CTNND2: variants seen among roughly 807,000 people sequenced by gnomAD.
CTNND2 encodes catenin delta-2.
Under a neutral mutation model 144.4 loss-of-function variants are expected in CTNND2, and 22 were observed. That is an observed-to-expected ratio of 0.15 (90% CI 0.11 to 0.22). The LOEUF is 0.22. CTNND2 is among the 10% of genes least tolerant of loss of function. CTNND2 has a pLI of 1.00. For missense variants in CTNND2, 1,353 were observed against 1,618.8 expected (o/e 0.84, Z 2.82); for synonymous variants, 751 against 695.6 (o/e 1.08, Z -1.25).
intron 1 of CTNND2, among the ~76,000 whole-genome samples, chr5:11,834,938 T>C (rs1245870451): frequency 6.6e-6 from 1 of 152,164 alleles, no homozygotes; most frequent in Non-Finnish European, 1.5e-5. Context: ...TCTGGGAGTT[T>C]GAGCAGCCTG....
chr5:11,791,139 A>C (rs189545723), intron 1 of CTNND2, among the ~76,000 whole-genome samples: 275 of 152,300 alleles, frequency 1.8e-3, no homozygotes, highest in Non-Finnish European at 3.1e-3. Context: ...AGAGGCATGA[A>C]TCCTCCTCCA....
intron 2 of CTNND2, among the ~76,000 whole-genome samples, chr5:11,653,659 G>T (rs1782765367): frequency 6.6e-6 from 1 of 151,774 alleles, no homozygotes; most frequent in South Asian, 2.1e-4. Flanking sequence ...CAGATACATG[G>T]TGTGCAATTA....
At chr5:11,078,347 T>A (rs1336055694) in intron 16 of CTNND2, among the ~76,000 whole-genome samples, 1 of 152,226 alleles carries the variant, frequency 6.6e-6, no homozygotes, top group African/African-American at 2.4e-5. Context: ...AATGTTGTTC[T>A]TGTCAAATTC....
At chr5:11,621,163 T>G (rs552264371) in intron 2 of CTNND2, among the ~76,000 whole-genome samples, 6 of 152,302 alleles carry the variant, frequency 3.9e-5, no homozygotes, top group African/African-American at 1.4e-4. Flanking sequence ...AAACCAATAT[T>G]TAAAACATTA....
intron 12 of CTNND2, among the ~76,000 whole-genome samples, chr5:11,152,429 C>A (rs1757823850): frequency 6.6e-6 from 1 of 152,228 alleles, no homozygotes; most frequent in African/African-American, 2.4e-5. Flanking sequence ...ATAGACATAT[C>A]ATACAGCCTA....
chr5:11,715,158 A>G (rs1192491620), intron 2 of CTNND2, among the ~76,000 whole-genome samples: 1 of 152,150 alleles, frequency 6.6e-6, no homozygotes, highest in Non-Finnish European at 1.5e-5. Flanking sequence ...TTAATATCCA[A>G]TACTCTCTGG....
chr5:11,490,932 G>A (rs1349611271), intron 3 of CTNND2, among the ~76,000 whole-genome samples: 2 of 152,156 alleles, frequency 1.3e-5, no homozygotes, highest in Admixed American at 6.6e-5. Flanking sequence ...AGGCTACAGC[G>A]AGACGTGATT....
chr5:11,587,127 C>T (rs1042587637), intron 2 of CTNND2, among the ~76,000 whole-genome samples: 5 of 151,986 alleles, frequency 3.3e-5, no homozygotes, highest in Admixed American at 1.3e-4. Flanking sequence ...GACTGATTTA[C>T]AAAAAATGTG....
At chr5:11,817,679 T>C (rs149275006) in intron 1 of CTNND2, among the ~76,000 whole-genome samples, 1 of 152,110 alleles carries the variant, frequency 6.6e-6, no homozygotes, top group South Asian at 2.1e-4. Context: ...TGTTTTTATA[T>C]GTGGAAGGGC....
chr5:11,367,643 G>GA (rs1428533313), intron 7 of CTNND2, among the ~76,000 whole-genome samples: 3 of 152,262 alleles, frequency 2.0e-5, no homozygotes, highest in East Asian at 3.9e-4. Context: ...ATTATAATAA[G>GA]AAAAAATGTT....
intron 1 of CTNND2, among the ~76,000 whole-genome samples, chr5:11,849,982 CT>C (rs1794939915): frequency 1.3e-5 from 2 of 152,268 alleles, no homozygotes; most frequent in South Asian, 4.1e-4. Flanking sequence ...ACACCCAGCA[CT>C]CCACTGATGG....
chr5:11,695,522 C>G (rs1785102284), intron 2 of CTNND2, among the ~76,000 whole-genome samples: 1 of 152,172 alleles, frequency 6.6e-6, no homozygotes. Context: ...GGGTAAATAA[C>G]AAGGTATTCA....
chr5:11,703,698 C>G (rs1785559949), intron 2 of CTNND2, among the ~76,000 whole-genome samples: 1 of 152,118 alleles, frequency 6.6e-6, no homozygotes. Context: ...ATTTAGTAAA[C>G]AAACAGATGA....
At chr5:11,476,975 C>A (rs1158920080) in intron 3 of CTNND2, among the ~76,000 whole-genome samples, 1 of 152,070 alleles carries the variant, frequency 6.6e-6, no homozygotes, top group Non-Finnish European at 1.5e-5. Context: ...CCCACTTTAA[C>A]ATAAAAAACT....
At chr5:11,376,324 G>GTGTGTGTGTGTGTGTGTTCATGTATC (rs1554044793) in intron 7 of CTNND2, among the ~76,000 whole-genome samples, 29 of 149,246 alleles carry the variant, frequency 1.9e-4, no homozygotes, top group African/African-American at 5.9e-4. Flanking sequence ...GTGTGTGTGT[G>GTGTGTGTGTGTGTGTGTTCATGTATC]TGTGTGTGTG....
chr5:11,366,189 A>G (rs1242473985), intron 7 of CTNND2, among the ~76,000 whole-genome samples: 1 of 152,214 alleles, frequency 6.6e-6, no homozygotes, highest in Non-Finnish European at 1.5e-5. Flanking sequence ...GGAACATATA[A>G]ACTCAAAATT....
intron 1 of CTNND2, among the ~76,000 whole-genome samples, chr5:11,740,845 A>G (rs1321585120): frequency 6.6e-6 from 1 of 152,178 alleles, no homozygotes; most frequent in Non-Finnish European, 1.5e-5. Context: ...AATTTACAAG[A>G]AAAAAACAAC....
intron 12 of CTNND2, among the ~76,000 whole-genome samples, chr5:11,128,778 A>ATATATATT (rs1561349642): frequency 2.7e-5 from 1 of 37,146 alleles, no homozygotes; most frequent in Non-Finnish European, 5.2e-5. Flanking sequence ...ATTATATATA[A>ATATATATT]AATATATAAA....
intron 2 of CTNND2, among the ~76,000 whole-genome samples, chr5:11,613,410 C>T (rs1341646926): frequency 6.6e-6 from 1 of 152,142 alleles, no homozygotes; most frequent in Non-Finnish European, 1.5e-5. Flanking sequence ...AACCCTGATG[C>T]TTCCTTCAAA....
Sources: allele counts gnomAD v4.1 joint callset (sites outside exome capture counted in the v4.1 genomes callset), GRCh38; gene constraint gnomAD v4.1.1; transcripts MANE v1.5; gene names NCBI Gene and HGNC (gene_info 2026-07-23, HGNC 2026-07-21).